SLC41A3: variants seen among roughly 807,000 people sequenced by gnomAD.
The protein encoded by SLC41A3 is SLC41A1-like 2.
A neutral mutation model predicts 45.4 loss-of-function variants in SLC41A3; 44 were observed. That is an observed-to-expected ratio of 0.97 (90% CI 0.76 to 1.25). The LOEUF (loss-of-function observed/expected upper bound fraction) is 1.25, where lower values mean the gene tolerates loss of function less well. Ranked by LOEUF, SLC41A3 falls within the 50% of genes most tolerant of loss-of-function variation. The pLI is 0.00. For missense variants in SLC41A3, 550 were observed against 600.6 expected (o/e 0.92, Z 0.88); for synonymous variants, 256 against 252.4 (o/e 1.01, Z -0.13).
intron 1 of SLC41A3, among the ~76,000 whole-genome samples, chr3:126,096,216 G>C (rs1307753202): frequency 6.6e-6 from 1 of 152,154 alleles, no homozygotes. Flanking sequence ...ACACTTGGAG[G>C]CTCTGTGATT....
rs1576373133 is a variant in SLC41A3, at chr3:126,080,878, G to A, written c.-28+3215C>T. On this transcript the variant is annotated intron_variant, in intron 1 of 10. Coordinates refer to ENST00000360370, the MANE Select transcript of SLC41A3 (RefSeq NM_017836.4). Reference sequence around the variant, plus strand: ...AGGCATGAGAGTCACTTGAACCCAGGAGGTGGAGGTTGTGGTGAGCTGAGA... The same window carrying A: ...AGGCATGAGAGTCACTTGAACCCAGAAGGTGGAGGTTGTGGTGAGCTGAGA... Among the ~76,000 whole-genome samples, 3 of 152,236 alleles carry A rather than the reference G, an allele frequency of 2.0e-5. No individual in the cohort carries two copies. In the South Asian group the frequency reaches 6.2e-4, roughly 32 times the overall value.
At chr3:126,033,341 A>C (rs1444487224) in intron 4 of SLC41A3, among the ~76,000 whole-genome samples, 3 of 152,176 alleles carry the variant, frequency 2.0e-5, no homozygotes, top group Non-Finnish European at 4.4e-5. Context: ...AGAAGGAGCA[A>C]GTACAGGTGA....
At chr3:126,072,522 C>G (rs552643247) in intron 1 of SLC41A3, among the ~76,000 whole-genome samples, 1 of 152,162 alleles carries the variant, frequency 6.6e-6, no homozygotes, top group South Asian at 2.1e-4. Flanking sequence ...ACAACCAAAA[C>G]TAAACATAAC....
At position 126,051,064 on chromosome 3, in the gene SLC41A3, A is replaced by C; in HGVS notation, c.274-14T>G. 6.3e-7 allele frequency: 1 copy of C among 1,583,602 alleles called. No homozygotes were observed. Among genetic ancestry groups the C allele is most frequent in the South Asian group, 1.2e-5 (1 of 85,622 alleles). On this transcript the variant is annotated splice_polypyrimidine_tract_variant and intron_variant, in intron 2 of 10. Transcript: ENST00000360370. ...CACAGGCCAGTGCTGGTAGGGAAAC[A>C]GTAAGGAGATAAGCCAAACACACAC...
intron 4 of SLC41A3, among the ~76,000 whole-genome samples, chr3:126,027,123 G>A (rs1292118010): frequency 6.6e-6 from 1 of 152,216 alleles, no homozygotes; most frequent in African/African-American, 2.4e-5. Context: ...GGGGAGAAGA[G>A]TGATATGGTT....
chr3:126,056,314 C>A, intron 2 of SLC41A3: 1 of 1,589,870 alleles, frequency 6.3e-7, no homozygotes, highest in South Asian at 1.2e-5. Flanking sequence ...GAGACCCAGT[C>A]TGTGTGTCTC....
chr3:126,038,403 A>G (rs1441749719), intron 3 of SLC41A3, among the ~76,000 whole-genome samples: 2 of 152,224 alleles, frequency 1.3e-5, no homozygotes, highest in African/African-American at 4.8e-5. Context: ...GCACCCTGGA[A>G]AGCCACAGGG....
rs777881871 is a variant in SLC41A3 at position 126,006,496 on chromosome 3, T to TCC, written c.*519_*520insGG. ...TGTTGAGTGCAGATGAAGGGTTGTA[T>TCC]GAGGCCCCATCCTGGGGAGGCTGTA... is the stretch of plus-strand genomic sequence containing the variant. On this transcript the variant is annotated 3_prime_UTR_variant, in exon 11 of 11. Transcript: ENST00000360370. 6.2e-7 allele frequency: 1 copy of TCC among 1,614,040 alleles called. No homozygotes were observed.
intron 1 of SLC41A3, among the ~76,000 whole-genome samples, chr3:126,093,216 T>C (rs1945524187): frequency 6.6e-6 from 1 of 152,120 alleles, no homozygotes; most frequent in African/African-American, 2.4e-5. Context: ...TAAAAAAGAA[T>C]GTAGAAATAA....
chr3:126,031,962 C>T (rs144640316), intron 4 of SLC41A3, among the ~76,000 whole-genome samples: 1 of 152,290 alleles, frequency 6.6e-6, no homozygotes, highest in Middle Eastern at 3.4e-3. Context: ...TCAGGGCAGC[C>T]GCAGCAGCAT....
At chr3:126,056,722 G>A in intron 2 of SLC41A3, 1 of 1,435,124 alleles carries the variant, frequency 7.0e-7, no homozygotes, top group Non-Finnish European at 9.1e-7. Flanking sequence ...CAGCCCCTCG[G>A]CTGAGGGCCA....
intron 3 of SLC41A3, among the ~76,000 whole-genome samples, chr3:126,046,938 G>A (rs566967030): frequency 5.4e-5 from 8 of 149,416 alleles, no homozygotes; most frequent in Non-Finnish European, 1.0e-4. Flanking sequence ...CTCCAGCCTG[G>A]GCAATGGAGC....
intron 2 of SLC41A3, chr3:126,057,029 G>A: frequency 9.8e-7 from 1 of 1,016,962 alleles, no homozygotes; most frequent in Middle Eastern, 4.9e-4. Context: ...ACCTCGCCCT[G>A]TACAAGTGTG....
intron 3 of SLC41A3, 59 bp downstream of exon 3, chr3:126,050,884 T>C (rs1485207044): frequency 6.5e-7 from 1 of 1,547,134 alleles, no homozygotes; most frequent in Non-Finnish European, 8.8e-7. Flanking sequence ...GGAGACCAGG[T>C]GGTAGGGACG....
At chr3:126,050,052 A>C (rs1276682557) in intron 3 of SLC41A3, among the ~76,000 whole-genome samples, 1 of 152,118 alleles carries the variant, frequency 6.6e-6, no homozygotes, top group African/African-American at 2.4e-5. Flanking sequence ...TATCTGTATA[A>C]TCCAGGACAA....
Position 126,022,866 on chromosome 3 carries a change from G to A in SLC41A3, c.665C>T (p.Thr222Met), listed in dbSNP as rs371098646. The change falls in exon 6 of 11, where the codon ACG becomes ATG. Residue 222 changes from threonine to methionine, a missense_variant. Transcript: ENST00000360370. ...GTCTCCCAGGCTGGCTGCAATGGGC[G>A]TGGCAATGTTGTCTGGGTTGACCCC... is the stretch of plus-strand genomic sequence containing the variant. ...KLGVNPDNIATPIAASLGDLI... is the reference protein window; with the variant it reads ...KLGVNPDNIAMPIAASLGDLI... 32 of 1,614,112 alleles carry A rather than the reference G, an allele frequency of 2.0e-5. No homozygotes were observed. The highest frequency in any genetic ancestry group is 1.6e-4 in the Middle Eastern group (1 of 6,084).
chr3:126,068,211 C>T lies in SLC41A3; in HGVS notation c.9G>A (p.Gly3=), dbSNP rs765689136. The T allele has an allele frequency of 6.5e-7, 1 of 1,538,696 alleles. No homozygotes were observed. Among genetic ancestry groups the T allele is most frequent in the Admixed American group, 2.1e-5 (1 of 48,548 alleles). The change falls in exon 2 of 11, where the codon GGG becomes GGA. Residue 3 remains glycine (G), a synonymous_variant. Transcript: ENST00000360370. The stretch of plus-strand genomic sequence containing the variant: ...CCAGCCTCCGCTGCCGGGTCTCTGT[C>T]CCATCCATCTGGGCACAGCTGGGCG... MD[G]TETRQRRLDS... is the part of the protein sequence containing the mutation.
rs1292902692 is a variant in SLC41A3, at chr3:126,051,794, C to T, written c.274-744G>A. Among the ~76,000 whole-genome samples, 5 of 152,132 alleles carry T rather than the reference C, an allele frequency of 3.3e-5. No homozygotes were observed. In the South Asian group the frequency reaches 8.3e-4, roughly 25 times the overall value. ...GTCTGGCTGCTGCTGAGATCTTTGA[C>T]GCCTAACACTAGAAGCTTCTCCTGG... On this transcript the variant is annotated intron_variant, in intron 2 of 10. Coordinates refer to ENST00000360370, the MANE Select transcript of SLC41A3 (RefSeq NM_017836.4).
chr3:126,054,548 C>CT (rs1943539223), intron 2 of SLC41A3, among the ~76,000 whole-genome samples: 1 of 152,170 alleles, frequency 6.6e-6, no homozygotes, highest in East Asian at 2.0e-4. Context: ...GCGGCCACCC[C>CT]TGTCTCTCAC....
Sources: gnomAD v4.1 joint callset for allele counts (sites outside exome capture counted in the v4.1 genomes callset) on GRCh38, gnomAD v4.1.1 for gene constraint, MANE v1.5 for transcripts, NCBI Gene and HGNC (gene_info 2026-07-23, HGNC 2026-07-21) for gene names.